SHISA9: variants seen among roughly 807,000 people sequenced by gnomAD.
SHISA9 encodes the protein protein shisa-9.
In SHISA9, 13 loss-of-function variants were observed where a neutral mutation model predicts 38.0. That is an observed-to-expected ratio of 0.34 (90% CI 0.22 to 0.54). SHISA9 has a LOEUF of 0.54. Among genes scored for constraint, SHISA9 ranks in the 20% least tolerant of loss-of-function variants. The pLI is 0.91. For missense variants in SHISA9, 538 were observed against 575.8 expected (o/e 0.93, Z 0.67); for synonymous variants, 275 against 242.0 (o/e 1.14, Z -1.27).
At chr16:13,088,976 A>G (rs142071272) in intron 2 of SHISA9, among the ~76,000 whole-genome samples, 1,782 of 152,274 alleles carry the variant, frequency 0.012, 19 homozygotes, top group Non-Finnish European at 0.018. Context: ...TTATTTTGAG[A>G]TACGTTCCAT....
the SHISA9 span, among the ~76,000 whole-genome samples, chr16:13,512,315 C>G: frequency 6.6e-6 from 1 of 152,078 alleles, no homozygotes; most frequent in South Asian, 2.1e-4. Context: ...CGTGAAGGAC[C>G]TTTTCAAGGA....
chr16:13,354,415 A>C, the SHISA9 span, among the ~76,000 whole-genome samples: 17 of 150,304 alleles, frequency 1.1e-4, no homozygotes, highest in African/African-American at 3.9e-4. Flanking sequence ...AGATACAGTC[A>C]TGGGGGTCAG....
the SHISA9 span, among the ~76,000 whole-genome samples, chr16:13,325,326 G>T: frequency 9.2e-5 from 14 of 152,146 alleles, no homozygotes; most frequent in Non-Finnish European, 1.8e-4. Context: ...AGCTTGTTTT[G>T]TCAGTCTTAA....
chr16:13,233,742 G>A (rs1330378977), intron 4 of SHISA9, among the ~76,000 whole-genome samples: 2 of 152,234 alleles, frequency 1.3e-5, no homozygotes, highest in African/African-American at 2.4e-5. Flanking sequence ...TGGTGCGGTA[G>A]CTCACACCTG....
chr16:13,240,852 G>A (rs1379237506), downstream of SHISA9, among the ~76,000 whole-genome samples: 2 of 150,454 alleles, frequency 1.3e-5, no homozygotes, highest in African/African-American at 2.4e-5. Context: ...GTAGCATAGA[G>A]TTTGAAATTT....
At chr16:12,968,189 CAAAAAAAAAAAAAAAAAAAAAAAAAA>C in intron 2 of SHISA9, among the ~76,000 whole-genome samples, 1 of 82,002 alleles carries the variant, frequency 1.2e-5, no homozygotes, top group Non-Finnish European at 2.4e-5. Flanking sequence ...GGCTCCATCT[CAAAAAAAAAAAAAAAAAAAAAAAAAA>C]AAAAAAAAAA....
intron 2 of SHISA9, among the ~76,000 whole-genome samples, chr16:13,073,690 GAGGTT>G (rs1365181810): frequency 6.6e-6 from 1 of 152,166 alleles, no homozygotes; most frequent in Non-Finnish European, 1.5e-5. Context: ...ATTATGAGAT[GAGGTT>G]ATCCTGGATA....
chr16:13,180,232 T>G (rs536352504), intron 2 of SHISA9, among the ~76,000 whole-genome samples: 4 of 152,354 alleles, frequency 2.6e-5, no homozygotes, highest in African/African-American at 9.6e-5. Flanking sequence ...CTGCCGCCTG[T>G]CTGGCTTCTA....
the SHISA9 span, among the ~76,000 whole-genome samples, chr16:13,522,103 C>T: frequency 2.0e-5 from 3 of 152,174 alleles, no homozygotes; most frequent in African/African-American, 7.2e-5. Flanking sequence ...CCATGGAATC[C>T]TAAGACTGTT....
intron 2 of SHISA9, among the ~76,000 whole-genome samples, chr16:12,970,002 A>G (rs895339922): frequency 6.6e-6 from 1 of 151,892 alleles, no homozygotes; most frequent in Admixed American, 6.6e-5. Context: ...GAAAAATGAG[A>G]TGGGGAGAGG....
chr16:13,537,333 C>G, the SHISA9 span, among the ~76,000 whole-genome samples: 3 of 151,524 alleles, frequency 2.0e-5, no homozygotes, highest in Non-Finnish European at 4.4e-5. Flanking sequence ...AAGGCTGAGG[C>G]AGAAGAATCA....
At chr16:13,191,645 A>C (rs998076020) in intron 2 of SHISA9, among the ~76,000 whole-genome samples, 7 of 152,162 alleles carry the variant, frequency 4.6e-5, no homozygotes, top group Admixed American at 6.5e-5. Context: ...AAGAGCAAAA[A>C]TTTGAGTCCA....
intron 2 of SHISA9, among the ~76,000 whole-genome samples, chr16:12,972,747 C>G (rs1017849250): frequency 6.6e-6 from 1 of 152,010 alleles, no homozygotes; most frequent in African/African-American, 2.4e-5. Context: ...TTGGATAATG[C>G]AATTATAAGT....
chr16:12,997,425 T>TG (rs2072471036), intron 2 of SHISA9, among the ~76,000 whole-genome samples: 1 of 151,588 alleles, frequency 6.6e-6, no homozygotes, highest in South Asian at 2.1e-4. Flanking sequence ...TTTTTTTTTT[T>TG]TTAGACAGTC....
chr16:13,475,745 A>T, the SHISA9 span, among the ~76,000 whole-genome samples: 9 of 152,236 alleles, frequency 5.9e-5, no homozygotes, highest in Non-Finnish European at 1.3e-4. Context: ...ATGTAGAATC[A>T]GTGAGAGTCC....
intron 2 of SHISA9, among the ~76,000 whole-genome samples, chr16:13,169,664 T>C (rs995655079): frequency 6.6e-6 from 1 of 152,194 alleles, no homozygotes; most frequent in African/African-American, 2.4e-5. Flanking sequence ...TGGCTTTGGA[T>C]TTCTTAAACA....
At chr16:13,096,710 C>T (rs758564565) in intron 2 of SHISA9, among the ~76,000 whole-genome samples, 1 of 152,098 alleles carries the variant, frequency 6.6e-6, no homozygotes, top group Non-Finnish European at 1.5e-5. Flanking sequence ...ATTCATTGAA[C>T]CTTTATTAGA....
rs59109452 is a variant in SHISA9, at chr16:12,943,274, GGTGTGTGTGTGTGT to G, written c.691+26503_691+26516del. Among the ~76,000 whole-genome samples, 342 of 82,192 alleles carry G rather than the reference GGTGTGTGTGTGTGT, an allele frequency of 4.2e-3. 3 individuals carry two copies. The highest frequency in any genetic ancestry group is 7.0e-3 in the Middle Eastern group (1 of 142). The allele number at this position is 82,192 out of a possible 152,430, so 53.9% of individuals were successfully genotyped here. ...AGAGAATTATAATGGAACAGAGTATGGTGTGTGTGTGTGTGTGTGTGTGTGTGTGTGTGTGTGTG... is the reference window on the plus strand; with the variant it reads ...AGAGAATTATAATGGAACAGAGTATGGTGTGTGTGTGTGTGTGTGTGTGTG... On this transcript the variant is annotated intron_variant, in intron 2 of 4. Coordinates refer to ENST00000558583, the MANE Select transcript of SHISA9 (RefSeq NM_001145204.3).
intron 2 of SHISA9, among the ~76,000 whole-genome samples, chr16:12,966,908 T>A (rs62029757): frequency 0.24 from 36,198 of 152,088 alleles, 4,742 homozygotes; most frequent in East Asian, 0.35. Flanking sequence ...TCTCTTGAAA[T>A]CTTGCCTGAT....
Sources: allele counts gnomAD v4.1 joint callset (sites outside exome capture counted in the v4.1 genomes callset), GRCh38; gene constraint gnomAD v4.1.1; transcripts MANE v1.5; gene names NCBI Gene and HGNC (gene_info 2026-07-23, HGNC 2026-07-21).